Variants in MYH7B observed in about 807,000 individuals in gnomAD.
MYH7B encodes the protein myosin heavy chain 7B.
MYH7B carries 205 observed loss-of-function variants against 234.5 expected under a neutral mutation model. That is an observed-to-expected ratio of 0.87 (90% CI 0.78 to 0.98). MYH7B has a LOEUF of 0.98. MYH7B is among the 50% of genes least tolerant of loss of function. MYH7B has a pLI of 0.00. For missense variants in MYH7B, 2,652 were observed against 2,633.4 expected, an observed-to-expected ratio of 1.01 and a Z score of -0.15; for synonymous variants, 1,193 against 1,105.0, an observed-to-expected ratio of 1.08 and a Z score of -1.58.
At chr20:34,996,477 C>T (rs774466255) in exon 29 of MYH7B, 114 of 1,612,638 alleles carry the variant, frequency 7.1e-5, no homozygotes, top group African/African-American at 1.9e-4. Context: ...ACCGTGTGAG[C>T]GCGCTGACCA....
At chr20:34,957,527 T>C (rs1158506890) in intron 1 of MYH7B, among the ~76,000 whole-genome samples, 3 of 150,218 alleles carry the variant, frequency 2.0e-5, no homozygotes, top group African/African-American at 7.4e-5. Flanking sequence ...TTCGTTGTTG[T>C]TGCCCAGGCT....
At chr20:34,982,399 T>C (rs1057185482) in intron 9 of MYH7B, 60 bp from the exon 10 acceptor site, 1 of 1,314,984 alleles carries the variant, frequency 7.6e-7, no homozygotes, top group Admixed American at 2.1e-5. Flanking sequence ...GGTGAGGCAT[T>C]GGGGGTGGGG....
chr20:34,984,003 C>G (rs1399994566), intron 10 of MYH7B, among the ~76,000 whole-genome samples: 2 of 152,200 alleles, frequency 1.3e-5, no homozygotes, highest in Non-Finnish European at 2.9e-5. Flanking sequence ...CTTAGTCCCC[C>G]TGGGTGACAC....
At chr20:34,974,856 G>A (rs1301268403) in intron 2 of MYH7B, among the ~76,000 whole-genome samples, 3 of 152,190 alleles carry the variant, frequency 2.0e-5, no homozygotes, top group Non-Finnish European at 4.4e-5. Flanking sequence ...CACTTGGCAA[G>A]GTGCCGGGGA....
chr20:35,000,358 A>G, exon 39 of MYH7B: 1 of 1,598,696 alleles, frequency 6.3e-7, no homozygotes, highest in Non-Finnish European at 8.5e-7. Context: ...CGGGCCCGCA[A>G]TGAGGCGCTG....
chr20:34,985,118 A>T (rs1268567506), exon 13 of MYH7B: 11 of 1,613,914 alleles, frequency 6.8e-6, no homozygotes, highest in Non-Finnish European at 9.3e-6. Flanking sequence ...GCATCCGCGG[A>T]TATTGACAGC....
At position 34,997,191 on chromosome 20, in the gene MYH7B, G is replaced by T. The variant is rs376110006; in HGVS notation, c.3357+18G>T. The T allele has an allele frequency of 3.8e-4, 591 of 1,550,808 alleles. 3 individuals are homozygous for T. Among genetic ancestry groups the T allele is most frequent in the Admixed American group, 3.3e-4 (17 of 51,060 alleles). ...AGCTGCAGGTGCGTGGGGATCGGGT[G>T]GGTGAGGCCTGGGGTCAGAGGCCCA... On this transcript the variant is annotated intron_variant, in intron 31 of 44. Transcript: ENST00000262873.
At position 34,999,415 on chromosome 20, in the gene MYH7B, G is replaced by A. The variant is rs200225378; in HGVS notation, c.4540+10G>A. On this transcript the variant is annotated intron_variant, in intron 36 of 44. Coordinates refer to ENST00000262873, the Ensembl canonical transcript of MYH7B. ...AACAAGAACCTGCAGGGTAGGACCT[G>A]CCACACGCCAGGGCCAGGGTGCTGC... 8.0e-6 allele frequency: 12 copies of A among 1,509,078 alleles called. No individual in the cohort carries two copies. In the African/African-American group the frequency reaches 1.7e-4, roughly 21 times the overall value. 93.5% of individuals were successfully genotyped at this position (1,509,078 alleles called of 1,614,324 possible). A position where few individuals can be genotyped will look rare whatever the true frequency, so the allele number is the denominator to read the frequency against.
At chr20:34,989,449 G>A (rs955223017) in intron 19 of MYH7B, among the ~76,000 whole-genome samples, 5 of 152,178 alleles carry the variant, frequency 3.3e-5, no homozygotes, top group Non-Finnish European at 5.9e-5. Context: ...TGGCTGTGGC[G>A]GGGGTGAGAG....
chr20:34,960,918 C>G (rs1043460439), intron 2 of MYH7B, among the ~76,000 whole-genome samples: 1 of 152,162 alleles, frequency 6.6e-6, no homozygotes, highest in Non-Finnish European at 1.5e-5. Flanking sequence ...CCTATTTTAC[C>G]GAGAAGAAAC....
chr20:34,987,666 T>C (rs2082055406), exon 17 of MYH7B: 1 of 1,612,768 alleles, frequency 6.2e-7, no homozygotes. Flanking sequence ...AGGGCCAGAG[T>C]GTGGAGCAGG....
chr20:34,963,902 A>C (rs947817703), intron 2 of MYH7B, among the ~76,000 whole-genome samples: 5 of 152,164 alleles, frequency 3.3e-5, no homozygotes, highest in African/African-American at 1.2e-4. Context: ...GTGTTATATC[A>C]GGAGATTTAT....
In MYH7B at chr20:34,963,942, T is replaced by C. The variant is rs1021123783; in HGVS notation, c.-222+5730T>C. ...GTTTTAAGGGGAAATAGTTCATTCA[T>C]TTTCACTGCTCTATAGGTTTCATTG... On this transcript the variant is annotated intron_variant, in intron 2 of 44. Transcript: ENST00000262873. Among the ~76,000 whole-genome samples the C allele has an allele frequency of 3.9e-5, 6 of 152,212 alleles. No homozygotes were observed. In the South Asian group the frequency reaches 1.2e-3, roughly 32 times the overall value.
At chr20:34,996,004 G>A (rs1462664558) in intron 28 of MYH7B, among the ~76,000 whole-genome samples, 1 of 142,428 alleles carries the variant, frequency 7.0e-6, no homozygotes, top group Non-Finnish European at 1.6e-5. Context: ...GGAAAGTGAG[G>A]CAGGGGTAGG....
rs984819564 is a variant in MYH7B at position 34,975,527 on chromosome 20, A to G, written c.-122+28A>G. 4 of 711,324 alleles carry G rather than the reference A, an allele frequency of 5.6e-6. No homozygotes were observed. The African/African-American group carries it at 7.0e-5, about 13-fold the overall frequency. 44.1% of individuals were successfully genotyped at this position (711,324 alleles called of 1,614,324 possible). Reference sequence around the variant, plus strand: ...ACTGTGCCTGACCCAGGGTATGTTTACTTTGAGAAAATTCATCAAACTTTA... The same window carrying G: ...ACTGTGCCTGACCCAGGGTATGTTTGCTTTGAGAAAATTCATCAAACTTTA... On this transcript the variant is annotated intron_variant, in intron 3 of 44. Transcript: ENST00000262873.
chr20:34,995,642 C>G (rs2082242928), intron 28 of MYH7B, 64 bp downstream of exon 28: 4 of 1,594,648 alleles, frequency 2.5e-6, no homozygotes. Flanking sequence ...GGCCAGGTGG[C>G]TGCAGGTCCC....
exon 45 of MYH7B, chr20:35,002,417 AAAGTT>A (rs541948497): frequency 5.1e-4 from 217 of 422,614 alleles, no homozygotes; most frequent in African/African-American, 4.1e-3. Context: ...TTTTTAAAAT[AAAGTT>A]ATTTAATAGT....
chr20:34,959,386 C>T (rs1339846209), intron 2 of MYH7B, among the ~76,000 whole-genome samples: 1 of 152,174 alleles, frequency 6.6e-6, no homozygotes. Flanking sequence ...CCCTGAGCCT[C>T]TGGTGTCTCA....
At chr20:34,968,415 C>G (rs1281591445) in intron 2 of MYH7B, among the ~76,000 whole-genome samples, 4 of 152,180 alleles carry the variant, frequency 2.6e-5, no homozygotes, top group Non-Finnish European at 5.9e-5. Context: ...AAGGTTATGC[C>G]TGTTTTATGA....
Sources: gnomAD v4.1 joint callset for allele counts (sites outside exome capture counted in the v4.1 genomes callset) on GRCh38, gnomAD v4.1.1 for gene constraint, MANE v1.5 for transcripts, NCBI Gene and HGNC (gene_info 2026-07-23, HGNC 2026-07-21) for gene names.